The following CNTNAP3B variants were observed in gnomAD, a reference collection of about 807,000 sequenced individuals.
CNTNAP3B encodes contactin associated protein family member 3B.
In CNTNAP3B, 25 loss-of-function variants were observed where a neutral mutation model predicts 108.9. The ratio of observed to expected loss-of-function variants is 0.23; its 90% CI spans 0.17 to 0.32. CNTNAP3B has a LOEUF of 0.32. CNTNAP3B is among the 10% of genes least tolerant of loss of function. The probability of loss-of-function intolerance (pLI) is 1.00; values close to 1 mark genes in which losing one functional copy is unlikely to be tolerated. For missense variants in CNTNAP3B, 252 were observed against 1,210.4 expected, an observed-to-expected ratio of 0.21 and a Z score of 11.75; for synonymous variants, 103 against 473.4, an observed-to-expected ratio of 0.22 and a Z score of 10.16.
chr9:41,924,644 T>TGCGCGTGC (rs1482014228), intron 15 of CNTNAP3B, among the ~76,000 whole-genome samples: 10 of 95,590 alleles, frequency 1.0e-4, no homozygotes, highest in African/African-American at 3.7e-4. Flanking sequence ...CTTTCCTTCC[T>TGCGCGTGC]GCACACACAC....
Position 41,953,059 on chromosome 9 carries a change from G to C in CNTNAP3B, c.2080+124C>G, listed in dbSNP as rs1384801744. 3.7e-5 allele frequency: 44 copies of C among 1,186,038 alleles called. No homozygotes were observed. In the East Asian group the frequency reaches 1.2e-3, roughly 31 times the overall value. The allele number at this position is 1,186,038 out of a possible 1,614,324, so 73.5% of individuals were successfully genotyped here. A position where few individuals can be genotyped will look rare whatever the true frequency, so the allele number is the denominator to read the frequency against. On this transcript the variant is annotated intron_variant, in intron 13 of 23. Transcript: ENST00000377561. ...AGAGCGGGAAGAGAAGGAGAGAGCG[G>C]TCAGGGCTTTGAACTAAGAGCCACG...
intron 3 of CNTNAP3B, among the ~76,000 whole-genome samples, chr9:42,056,356 A>G (rs1332226671): frequency 7.2e-6 from 1 of 138,748 alleles, no homozygotes; most frequent in Non-Finnish European, 1.5e-5. Context: ...TATTATTATT[A>G]TTATTATTAT....
In CNTNAP3B at chr9:42,104,781, C is replaced by T; in HGVS notation, c.86-42G>A. 4.7e-6 allele frequency: 3 copies of T among 634,110 alleles called. 1 individual carries two copies. The highest frequency in any genetic ancestry group is 7.1e-6 in the Non-Finnish European group (3 of 424,840). The allele number at this position is 634,110 out of a possible 1,614,324, so 39.3% of individuals were successfully genotyped here. Reference sequence around the variant, plus strand: ...CGTGATATGGTTAACACTCAGATTGCAGCTTGGGAGAAATAATAGTCCAAA... The same window carrying T: ...CGTGATATGGTTAACACTCAGATTGTAGCTTGGGAGAAATAATAGTCCAAA... On this transcript the variant is annotated intron_variant, in intron 1 of 23. Coordinates refer to ENST00000377561, the MANE Select transcript of CNTNAP3B (RefSeq NM_001201380.3).
At chr9:42,076,426 C>CT in intron 3 of CNTNAP3B, among the ~76,000 whole-genome samples, 1 of 120,802 alleles carries the variant, frequency 8.3e-6, no homozygotes, top group East Asian at 2.6e-4. Context: ...AACTCTGTCT[C>CT]TAAAAAAAAA....
intron 16 of CNTNAP3B, among the ~76,000 whole-genome samples, chr9:41,923,485 G>T (rs1823723738): frequency 6.6e-6 from 1 of 152,222 alleles, no homozygotes; most frequent in Non-Finnish European, 1.5e-5. Context: ...TTACTGGCTG[G>T]GTGTGGCAGT....
intron 13 of CNTNAP3B, among the ~76,000 whole-genome samples, chr9:41,944,776 A>C (rs1490887869): frequency 1.3e-5 from 2 of 152,280 alleles, no homozygotes; most frequent in Non-Finnish European, 2.9e-5. Context: ...AATGGGATCT[A>C]ATTAAACTAA....
chr9:42,104,265 T>A (rs1828058368), intron 2 of CNTNAP3B, among the ~76,000 whole-genome samples: 1 of 89,228 alleles, frequency 1.1e-5, no homozygotes, highest in South Asian at 4.8e-4. Flanking sequence ...CAACAAAATG[T>A]ATACTGTGGC....
chr9:42,041,829 A>C (rs1305674612), intron 3 of CNTNAP3B, among the ~76,000 whole-genome samples: 1 of 144,306 alleles, frequency 6.9e-6, no homozygotes, highest in African/African-American at 2.7e-5. Context: ...AAGACTTGGA[A>C]CCAACCCAAA....
In CNTNAP3B at chr9:42,030,811, GAGGAGAGAGA is replaced by G. The variant is rs1412472344; in HGVS notation, c.391-17296_391-17287del. Among the ~76,000 whole-genome samples the G allele has an allele frequency of 1.2e-4, 9 of 73,926 alleles. 1 individual carries two copies. Among genetic ancestry groups the G allele is most frequent in the East Asian group, 5.6e-4 (1 of 1,778 alleles). The allele number at this position is 73,926 out of a possible 152,430, so 48.5% of individuals were successfully genotyped here. On this transcript the variant is annotated intron_variant, in intron 3 of 23. Transcript: ENST00000377561. Reference sequence around the variant, plus strand: ...TGTGTGCGAGAGAGAGAGAGAGAGAGAGGAGAGAGAGAGAGAGAGAGAGAGAGAGAGAGAG... The same window carrying G: ...TGTGTGCGAGAGAGAGAGAGAGAGAGGAGAGAGAGAGAGAGAGAGAGAGAG...
chr9:42,001,361 C>T (rs1479847605), intron 4 of CNTNAP3B, among the ~76,000 whole-genome samples: 1 of 128,380 alleles, frequency 7.8e-6, no homozygotes, highest in African/African-American at 3.2e-5. Context: ...CTGCAGTGAG[C>T]AGTGCTTGTG....
At chr9:41,962,799 C>T (rs1285335020) in intron 11 of CNTNAP3B, among the ~76,000 whole-genome samples, 1 of 152,268 alleles carries the variant, frequency 6.6e-6, no homozygotes, top group South Asian at 2.1e-4. Context: ...ACTAAAAATA[C>T]AAAAAATTAG....
At chr9:41,953,422 G>C (rs764472358) in intron 12 of CNTNAP3B, 36 bp from the exon 13 acceptor site, 4 of 1,519,678 alleles carry the variant, frequency 2.6e-6, no homozygotes, top group Non-Finnish European at 3.6e-6. Context: ...GCATCACTGG[G>C]CGGCAGACGC....
chr9:42,042,800 T>C (rs1199710257), intron 3 of CNTNAP3B, among the ~76,000 whole-genome samples: 2 of 130,240 alleles, frequency 1.5e-5, no homozygotes, highest in Non-Finnish European at 3.2e-5. Flanking sequence ...ATTGAGTAAC[T>C]TCTTTTTACC....
chr9:42,053,992 G>T (rs149853660), intron 3 of CNTNAP3B, among the ~76,000 whole-genome samples: 1 of 151,888 alleles, frequency 6.6e-6, no homozygotes, highest in South Asian at 2.1e-4. Flanking sequence ...TCAACACAAA[G>T]GTTTGATGAG....
intron 11 of CNTNAP3B, among the ~76,000 whole-genome samples, chr9:41,963,475 G>T (rs1444067166): frequency 6.7e-6 from 1 of 150,060 alleles, no homozygotes; most frequent in African/African-American, 2.5e-5. Flanking sequence ...TTCACAGAGG[G>T]TGATTCTTCA....
intron 12 of CNTNAP3B, among the ~76,000 whole-genome samples, chr9:41,955,949 C>T (rs1235445025): frequency 3.9e-5 from 6 of 152,190 alleles, no homozygotes; most frequent in Admixed American, 1.3e-4. Context: ...TAGCTCAAAC[C>T]AGCCTAACTT....
In CNTNAP3B at chr9:42,124,052, C is replaced by T. The variant is rs1317711869; in HGVS notation, c.85+4958G>A. 6.6e-5 allele frequency among the ~76,000 whole-genome samples: 9 copies of T among 136,434 alleles called. 2 individuals are homozygous for T. The highest frequency in any genetic ancestry group is 2.4e-4 in the South Asian group (1 of 4,182). 89.5% of individuals were successfully genotyped at this position (136,434 alleles called of 152,430 possible). A position where few individuals can be genotyped will look rare whatever the true frequency, so the allele number is the denominator to read the frequency against. On this transcript the variant is annotated intron_variant, in intron 1 of 23. Transcript: ENST00000377561. ...AGCCCAGGCAATACATACTAGACCA[C>T]GTCTTCTTGGTAATTTAATTCTTAG...
intron 2 of CNTNAP3B, among the ~76,000 whole-genome samples, chr9:42,098,079 C>T (rs1209936219): frequency 2.2e-5 from 3 of 139,284 alleles, no homozygotes; most frequent in Non-Finnish European, 3.1e-5. Flanking sequence ...AACATTCATA[C>T]ATATTATTTT....
At chr9:42,127,139 A>C (rs1235592139) in intron 1 of CNTNAP3B, among the ~76,000 whole-genome samples, 2 of 138,832 alleles carry the variant, frequency 1.4e-5, no homozygotes, top group African/African-American at 5.7e-5. Flanking sequence ...TGAGGATACT[A>C]AGTTTCATCA....
Sources: gnomAD v4.1 joint callset for allele counts (sites outside exome capture counted in the v4.1 genomes callset) on GRCh38, gnomAD v4.1.1 for gene constraint, MANE v1.5 for transcripts, NCBI Gene and HGNC (gene_info 2026-07-23, HGNC 2026-07-21) for gene names.